CD33: variants seen among roughly 807,000 people sequenced by gnomAD.
CD33 encodes myeloid cell surface antigen CD33.
In CD33, 25 loss-of-function variants were observed where a neutral mutation model predicts 31.4. The observed-to-expected ratio is 0.80, with a 90% CI of 0.58 to 1.11. The LOEUF is 1.11. Ranked by LOEUF, CD33 falls within the 50% of genes most tolerant of loss-of-function variation. The probability of loss-of-function intolerance (pLI) is 0.00; values close to 1 mark genes in which losing one functional copy is unlikely to be tolerated. For missense variants in CD33, 407 were observed against 448.1 expected (o/e 0.91, Z 0.83); for synonymous variants, 176 against 180.6 (o/e 0.97, Z 0.20).
Position 51,235,214 on chromosome 19 carries a change from C to T in CD33, c.803C>T (p.Thr268Ile), listed in dbSNP as rs1322275323. ...VHGAIGGAGV[T>I]ALLALCLCLI... ...GGGGCCATTGGAGGAGCTGGTGTTA[C>T]AGCCCTGCTCGCTCTTTGTCTCTGC... The change falls in exon 5 of 7, where the codon ACA becomes ATA. Residue 268 changes from threonine to isoleucine, a missense_variant. Transcript: ENST00000262262. 1 of 1,614,170 alleles carries T rather than the reference C, an allele frequency of 6.2e-7. No homozygotes were observed. The highest frequency in any genetic ancestry group is 2.2e-5 in the East Asian group (1 of 44,874).
chr19:51,212,626 C>T, the CD33 span, among the ~76,000 whole-genome samples: 5 of 152,026 alleles, frequency 3.3e-5, no homozygotes, highest in Non-Finnish European at 7.4e-5. Flanking sequence ...AGCTTCCCTA[C>T]ATTCATCACC....
At chr19:51,232,693 G>A (rs1981504459) in intron 4 of CD33, among the ~76,000 whole-genome samples, 2 of 152,222 alleles carry the variant, frequency 1.3e-5, no homozygotes, top group South Asian at 2.1e-4. Flanking sequence ...TGAAGCTCTC[G>A]ATTGCGGTTT....
chr19:51,232,436 G>A (rs774526821), intron 4 of CD33, among the ~76,000 whole-genome samples: 2 of 152,190 alleles, frequency 1.3e-5, no homozygotes, highest in Non-Finnish European at 2.9e-5. Context: ...GGACCTGGAT[G>A]TCCTTCTAGT....
chr19:51,234,296 A>G (rs1436314651), intron 4 of CD33, among the ~76,000 whole-genome samples: 3 of 152,184 alleles, frequency 2.0e-5, no homozygotes, highest in Non-Finnish European at 4.4e-5. Context: ...TGTCACCTGA[A>G]GCCCATAGTT....
chr19:51,211,510 C>G, the CD33 span: 3,726 of 1,539,762 alleles, frequency 2.4e-3, 72 homozygotes, highest in African/African-American at 0.042. Flanking sequence ...GAGGGATAAT[C>G]GTTCATACTT....
At chr19:51,213,315 T>A in the CD33 span, among the ~76,000 whole-genome samples, 11 of 152,032 alleles carry the variant, frequency 7.2e-5, no homozygotes, top group South Asian at 2.1e-3. Context: ...GCTTTTAGAA[T>A]GCTCACAATG....
chr19:51,212,403 G>A, the CD33 span, among the ~76,000 whole-genome samples: 1 of 152,064 alleles, frequency 6.6e-6, no homozygotes, highest in Admixed American at 6.5e-5. Context: ...TCAGCTCAGG[G>A]CAGGGGTGGG....
At chr19:51,211,512 T>A in the CD33 span, 2 of 1,538,064 alleles carry the variant, frequency 1.3e-6, no homozygotes, top group Non-Finnish European at 1.7e-6. Flanking sequence ...GGGATAATCG[T>A]TCATACTTCT....
At chr19:51,221,127 A>T (rs1358029452), upstream of CD33, among the ~76,000 whole-genome samples, 1 of 152,236 alleles carries the variant, frequency 6.6e-6, no homozygotes, top group Admixed American at 6.5e-5. Context: ...CATTTCTCAA[A>T]AAAATATAGT....
chr19:51,239,438 TACTTCATTG>T, intron 6 of CD33, 71 bp from the exon 7 acceptor site: 1 of 1,042,048 alleles, frequency 9.6e-7, no homozygotes, highest in Non-Finnish European at 1.4e-6. Context: ...GAGTCAAATT[TACTTCATTG>T]ACCCTCTTTG....
chr19:51,226,952 T>C (rs1023843655), intron 4 of CD33, among the ~76,000 whole-genome samples: 2 of 152,128 alleles, frequency 1.3e-5, no homozygotes, highest in Middle Eastern at 3.4e-3. Flanking sequence ...CTTCCACTTA[T>C]GAGTGAGAAC....
chr19:51,239,450 C>T (rs1286521748), intron 6 of CD33, 68 bp from the exon 7 acceptor site: 2 of 1,202,458 alleles, frequency 1.7e-6, no homozygotes, highest in Non-Finnish European at 2.3e-6. Context: ...CTTCATTGAC[C>T]CTCTTTGCCT....
At chr19:51,224,295 A>G (rs1282169290), upstream of CD33, among the ~76,000 whole-genome samples, 1 of 152,058 alleles carries the variant, frequency 6.6e-6, no homozygotes. Context: ...TAGCTTCCCT[A>G]TCTTAGTGCA....
chr19:51,212,976 C>T, the CD33 span, among the ~76,000 whole-genome samples: 1 of 152,244 alleles, frequency 6.6e-6, no homozygotes, highest in Non-Finnish European at 1.5e-5. Flanking sequence ...TACCAACAGA[C>T]ACACTGCAAT....
the CD33 span, among the ~76,000 whole-genome samples, chr19:51,219,019 T>C: frequency 1.3e-5 from 2 of 151,858 alleles, no homozygotes; most frequent in African/African-American, 4.8e-5. Context: ...TCTTTTTGTT[T>C]CTATATGAAT....
At chr19:51,233,118 T>C (rs557174165) in intron 4 of CD33, among the ~76,000 whole-genome samples, 47 of 152,326 alleles carry the variant, frequency 3.1e-4, no homozygotes, top group Admixed American at 2.5e-3. Context: ...CAGGCCCTAA[T>C]TGTGGGAGAG....
At chr19:51,232,656 T>C (rs1981500601) in intron 4 of CD33, among the ~76,000 whole-genome samples, 1 of 152,246 alleles carries the variant, frequency 6.6e-6, no homozygotes, top group African/African-American at 2.4e-5. Flanking sequence ...TCAGAAATTA[T>C]TTTTTCTTCT....
At chr19:51,239,125 T>C (rs1176001045) in intron 6 of CD33, 1 of 157,238 alleles carries the variant, frequency 6.4e-6, no homozygotes, top group African/African-American at 2.4e-5. Context: ...GAGGATCCAG[T>C]GCCCAGCACA....
chr19:51,239,209 T>A (rs1300519734), intron 6 of CD33: 4 of 197,936 alleles, frequency 2.0e-5, no homozygotes, highest in Non-Finnish European at 4.1e-5. Context: ...CTAAGCTCTC[T>A]GAGACCTAGT....
Sources: allele counts gnomAD v4.1 joint callset (sites outside exome capture counted in the v4.1 genomes callset), GRCh38; gene constraint gnomAD v4.1.1; transcripts MANE v1.5; gene names NCBI Gene and HGNC (gene_info 2026-07-23, HGNC 2026-07-21).